Variants in ST8SIA6 observed in about 807,000 individuals in gnomAD.
ST8SIA6 encodes the protein ST8 alpha-N-acetyl-neuraminide alpha-2,8-sialyltransferase 6.
ST8SIA6 carries 39 observed loss-of-function variants against 33.6 expected under a neutral mutation model. The observed-to-expected ratio is 1.16, with a 90% CI of 0.90 to 1.52. The LOEUF (loss-of-function observed/expected upper bound fraction) is 1.52, where lower values mean the gene tolerates loss of function less well. Among genes scored for constraint, ST8SIA6 ranks in the 40% most tolerant of loss-of-function variants. The pLI is 0.00. For synonymous variants in ST8SIA6, 172 were observed against 167.2 expected (o/e 1.03, Z -0.22); for missense variants, 441 against 443.8 (o/e 0.99, Z 0.06).
At chr10:17,360,776 G>A (rs1229799836) in intron 3 of ST8SIA6, among the ~76,000 whole-genome samples, 1 of 151,908 alleles carries the variant, frequency 6.6e-6, no homozygotes, top group East Asian at 1.9e-4. Context: ...GGTAAATAGA[G>A]AACAAACAGC....
intron 2 of ST8SIA6, among the ~76,000 whole-genome samples, chr10:17,424,207 A>G (rs543889489): frequency 6.6e-6 from 1 of 151,544 alleles, no homozygotes; most frequent in African/African-American, 2.4e-5. Context: ...AGGTTCAAGC[A>G]ATTCTCGTGC....
At chr10:17,329,551 T>C (rs1416267121) in intron 5 of ST8SIA6, among the ~76,000 whole-genome samples, 1 of 152,206 alleles carries the variant, frequency 6.6e-6, no homozygotes, top group Non-Finnish European at 1.5e-5. Context: ...TCAGCCAGTA[T>C]CTACTAAATG....
intron 3 of ST8SIA6, among the ~76,000 whole-genome samples, chr10:17,377,270 A>ACT (rs1470467763): frequency 1.3e-5 from 2 of 151,896 alleles, no homozygotes; most frequent in Non-Finnish European, 2.9e-5. Flanking sequence ...AAATCCTATA[A>ACT]AACTGCCCCA....
chr10:17,335,483 T>C (rs888710540), intron 4 of ST8SIA6, among the ~76,000 whole-genome samples: 1 of 152,240 alleles, frequency 6.6e-6, no homozygotes, highest in African/African-American at 2.4e-5. Context: ...GTAGGGGTAA[T>C]ATTTGCACCT....
In ST8SIA6 at chr10:17,321,084, C is replaced by A; in HGVS notation, c.991G>T (p.Ala331Ser). The A allele has an allele frequency of 6.2e-7, 1 of 1,614,090 alleles. No homozygotes were observed. The highest frequency in any genetic ancestry group is 8.5e-7 in the Non-Finnish European group (1 of 1,179,996). The change falls in exon 8 of 8, where the codon GCA (alanine) becomes TCA (serine). Residue 331 changes from alanine to serine, a missense_variant. Ala to Ser is a moderately conservative substitution (Grantham distance 99, BLOSUM62 1). Coordinates refer to ENST00000377602, the MANE Select transcript of ST8SIA6 (RefSeq NM_001004470.3). ...LSTGLMITSV[A>S]VELCKNVKLY... ...TTCACATTTTTACACAGTTCCACTG[C>A]AACACTTGTGATCATCAAGCCGGTG...
chr10:17,372,257 G>A (rs550863155), intron 3 of ST8SIA6, among the ~76,000 whole-genome samples: 1 of 152,304 alleles, frequency 6.6e-6, no homozygotes, highest in South Asian at 2.1e-4. Context: ...TATCATGGAC[G>A]CTTGTGTAAA....
At chr10:17,429,124 G>A (rs992380443) in intron 2 of ST8SIA6, among the ~76,000 whole-genome samples, 1 of 151,734 alleles carries the variant, frequency 6.6e-6, no homozygotes, top group African/African-American at 2.4e-5. Context: ...TCTAGTATTA[G>A]TAGATATATC....
chr10:17,412,115 C>G (rs1851471823), intron 2 of ST8SIA6, among the ~76,000 whole-genome samples: 1 of 152,070 alleles, frequency 6.6e-6, no homozygotes, highest in Non-Finnish European at 1.5e-5. Context: ...AGAGATTTGC[C>G]ATTCTCAGCT....
intron 2 of ST8SIA6, among the ~76,000 whole-genome samples, chr10:17,414,025 T>A (rs1487206387): frequency 6.6e-6 from 1 of 152,110 alleles, no homozygotes; most frequent in Non-Finnish European, 1.5e-5. Context: ...CCATGCCCAA[T>A]ACACGCCTCC....
rs1015765042 is a variant in ST8SIA6, at chr10:17,319,425, C to T, written c.*1453G>A. Among the ~76,000 whole-genome samples the T allele has an allele frequency of 9.9e-5, 15 of 152,086 alleles. No homozygotes were observed. The highest frequency in any genetic ancestry group is 9.2e-4 in the Admixed American group (14 of 15,266). ...GGTAGGATTGTTGTAAAATTTCACA[C>T]GTGCTTTTAGGATGGCAACACAGAT... On this transcript the variant is annotated 3_prime_UTR_variant, in exon 8 of 8. Coordinates refer to ENST00000377602, the MANE Select transcript of ST8SIA6 (RefSeq NM_001004470.3).
Position 17,401,170 on chromosome 10 carries a change from C to T in ST8SIA6, c.201-10550G>A, listed in dbSNP as rs573488539. Among the ~76,000 whole-genome samples, 403 of 152,202 alleles carry T rather than the reference C, an allele frequency of 2.6e-3. 2 individuals are homozygous for T. Among genetic ancestry groups the T allele is most frequent in the African/African-American group, 9.4e-3 (392 of 41,512 alleles). ...CAGAGAGCCAAATCATGAGTGAACTCCCATTCACAATTGCTTCAAAGAGAA... is the reference window on the plus strand; with the variant it reads ...CAGAGAGCCAAATCATGAGTGAACTTCCATTCACAATTGCTTCAAAGAGAA... On this transcript the variant is annotated intron_variant, in intron 2 of 7. Transcript: ENST00000377602.
At chr10:17,395,551 A>T (rs4748370) in intron 2 of ST8SIA6, among the ~76,000 whole-genome samples, 1,901 of 152,188 alleles carry the variant, frequency 0.012, 67 homozygotes, top group East Asian at 0.073. Context: ...CAAAAAAAAA[A>T]TTTTTTTAAT....
intron 7 of ST8SIA6, among the ~76,000 whole-genome samples, chr10:17,321,782 T>C (rs1424735745): frequency 6.6e-6 from 1 of 152,182 alleles, no homozygotes; most frequent in Non-Finnish European, 1.5e-5. Context: ...CTTTTGCACA[T>C]ATTTCATTAT....
In ST8SIA6 at chr10:17,387,443, GGGGC is replaced by G. The variant is rs1453127556; in HGVS notation, c.290+3084_290+3087del. Among the ~76,000 whole-genome samples the G allele has an allele frequency of 4.2e-3, 492 of 116,844 alleles. 12 individuals carry two copies. The highest frequency in any genetic ancestry group is 0.015 in the African/African-American group (463 of 30,872). The allele number at this position is 116,844 out of a possible 152,430, so 76.7% of individuals were successfully genotyped here. A position where few individuals can be genotyped will look rare whatever the true frequency, so the allele number is the denominator to read the frequency against. ...ATTTTGTGTTTTTAGTCGGGGCGGT[GGGGC>G]GGGGGGGGGGGGGTTCTCCATGTTG... On this transcript the variant is annotated intron_variant, in intron 3 of 7. Transcript: ENST00000377602.
chr10:17,345,784 C>A (rs1337183029), intron 4 of ST8SIA6, among the ~76,000 whole-genome samples: 1 of 152,094 alleles, frequency 6.6e-6, no homozygotes, highest in Non-Finnish European at 1.5e-5. Flanking sequence ...AGGATGTGCA[C>A]CCTGGCTTCA....
At chr10:17,417,986 C>G (rs1851656158) in intron 2 of ST8SIA6, among the ~76,000 whole-genome samples, 1 of 152,160 alleles carries the variant, frequency 6.6e-6, no homozygotes, top group Non-Finnish European at 1.5e-5. Flanking sequence ...TGAGAAAGTT[C>G]TTTCAGCATT....
chr10:17,410,136 G>T (rs1851405437), intron 2 of ST8SIA6: 1 of 152,192 alleles, frequency 6.6e-6, no homozygotes, highest in African/African-American at 2.4e-5. Flanking sequence ...ATCTTCTAAA[G>T]ACTGTTTGGG....
At chr10:17,389,094 G>A (rs960212115) in intron 3 of ST8SIA6, among the ~76,000 whole-genome samples, 2 of 152,076 alleles carry the variant, frequency 1.3e-5, no homozygotes, top group African/African-American at 4.8e-5. Flanking sequence ...AACAGAAGAT[G>A]GCAAGAAAAA....
intron 3 of ST8SIA6, among the ~76,000 whole-genome samples, chr10:17,364,218 C>A (rs10795477): frequency 0.2 from 31,026 of 152,082 alleles, 3,500 homozygotes; most frequent in East Asian, 0.51. Flanking sequence ...TATGGATAGT[C>A]TTTAAAATAT....
Sources: gnomAD v4.1 joint callset for allele counts (sites outside exome capture counted in the v4.1 genomes callset) on GRCh38, gnomAD v4.1.1 for gene constraint, MANE v1.5 for transcripts, NCBI Gene and HGNC (gene_info 2026-07-23, HGNC 2026-07-21) for gene names.